Variants in DGCR8 observed in about 807,000 individuals in gnomAD.
DGCR8 encodes DGCR8 microprocessor complex subunit.
Under a neutral mutation model 78.5 loss-of-function variants are expected in DGCR8, and 14 were observed. That is an observed-to-expected ratio of 0.18 (90% CI 0.12 to 0.28). DGCR8 has a LOEUF of 0.28. DGCR8 is among the 10% of genes least tolerant of loss of function. The pLI, the probability that DGCR8 is intolerant of heterozygous loss-of-function variation, is 1.00. For synonymous variants in DGCR8, 399 were observed against 402.4 expected (o/e 0.99, Z 0.10); for missense variants, 702 against 1,022.5 (o/e 0.69, Z 4.28).
intron 5 of DGCR8, 100 bp from the exon 6 acceptor site, chr22:20,091,335 A>G: frequency 1.7e-6 from 2 of 1,161,836 alleles, no homozygotes; most frequent in Non-Finnish European, 2.5e-6. Flanking sequence ...GAAAGGAAAT[A>G]GTGTCATGTG....
chr22:20,082,524 C>T (rs1189343807), intron 1 of DGCR8, among the ~76,000 whole-genome samples: 1 of 152,034 alleles, frequency 6.6e-6, no homozygotes, highest in Admixed American at 6.6e-5. Flanking sequence ...CCCACCACCA[C>T]ACTCGGCTAA....
chr22:20,109,500 C>A (rs981670453), intron 13 of DGCR8, among the ~76,000 whole-genome samples: 41 of 152,200 alleles, frequency 2.7e-4, no homozygotes, highest in African/African-American at 9.9e-4. Flanking sequence ...TGTGGCAGTC[C>A]CCTGGCCTGG....
Position 20,085,664 on chromosome 22 carries a change from G to T in DGCR8, c.-277-23G>T. 3 of 1,283,366 alleles carry T rather than the reference G, an allele frequency of 2.3e-6. No homozygotes were observed. The highest frequency in any genetic ancestry group is 3.0e-5 in the South Asian group (1 of 33,078). 79.5% of individuals were successfully genotyped at this position (1,283,366 alleles called of 1,614,324 possible). On this transcript the variant is annotated intron_variant, in intron 1 of 13. Transcript: ENST00000351989. This position sits in a 1 kb window ranked among gnomAD's most constrained non-coding sequence, Gnocchi z 6.2. ...TGGAAGGTTTCTGTCATTTTGTGAC[G>T]ATATTTTTAAATTTCTTTGCAGGTA...
In DGCR8 at chr22:20,089,249, A is replaced by G. The variant is rs966050177; in HGVS notation, c.881-420A>G. Among the ~76,000 whole-genome samples, 6 of 152,260 alleles carry G rather than the reference A, an allele frequency of 3.9e-5. No individual in the cohort carries two copies. Among genetic ancestry groups the G allele is most frequent in the African/African-American group, 1.4e-4 (6 of 41,470 alleles). The stretch of plus-strand genomic sequence containing the variant: ...CTGAGAGTGCAGCTCAGTTACAATA[A>G]AGACTTGTCACCTGGTCACTGGGAG... On this transcript the variant is annotated intron_variant, in intron 3 of 13. Coordinates refer to ENST00000351989, the MANE Select transcript of DGCR8 (RefSeq NM_022720.7). The surrounding 1 kb of genome is among the most constrained non-coding windows in gnomAD (Gnocchi z 4.9).
intron 7 of DGCR8, 76 bp from the exon 8 acceptor site, chr22:20,092,733 T>A: frequency 7.7e-7 from 1 of 1,293,770 alleles, no homozygotes; most frequent in East Asian, 2.4e-5. Flanking sequence ...GCCTTGTCTG[T>A]CGGTGTGGGC....
intron 6 of DGCR8, 99 bp from the exon 7 acceptor site, chr22:20,091,770 C>A (rs1161813408): frequency 2.0e-6 from 3 of 1,487,532 alleles, no homozygotes; most frequent in East Asian, 2.3e-5. Context: ...CTGCCACATT[C>A]ACGGTCGTGA....
rs1373780754 is a variant in DGCR8 at position 20,085,052 on chromosome 22, C to T, written c.-277-635C>T. Reference sequence around the variant, plus strand: ...ATCCTGGCAGGTCCCTTCCCCACAGCCACCCACCCCTCTCCTCCATCGGGA... The same window carrying T: ...ATCCTGGCAGGTCCCTTCCCCACAGTCACCCACCCCTCTCCTCCATCGGGA... On this transcript the variant is annotated intron_variant, in intron 1 of 13. Transcript: ENST00000351989. This position sits in a 1 kb window ranked among gnomAD's most constrained non-coding sequence, Gnocchi z 6.2. The T allele has an allele frequency of 7.1e-6, 7 of 984,568 alleles. No homozygotes were observed. The highest frequency in any genetic ancestry group is 4.7e-5 in the South Asian group (1 of 21,270). 61.0% of individuals were successfully genotyped at this position (984,568 alleles called of 1,614,324 possible).
rs149913549 is a variant in DGCR8, at chr22:20,086,680, C to T, written c.717C>T (p.Tyr239=). 223 of 1,602,742 alleles carry T rather than the reference C, an allele frequency of 1.4e-4. 1 individual carries two copies. The highest frequency in any genetic ancestry group is 6.0e-4 in the Admixed American group (36 of 59,876). Residue 239 remains tyrosine, a synonymous_variant, in exon 2 of 14, where the codon TAC becomes TAT. Coordinates refer to ENST00000351989, the MANE Select transcript of DGCR8 (RefSeq NM_022720.7). This position sits in a 1 kb window ranked among gnomAD's most constrained non-coding sequence, Gnocchi z 6.4. ...RVDEEALNFP[Y]EDDFDNDVDA... ...ATGAAGAGGCCTTGAATTTCCCCTA[C>T]GAGGTATGTTGGCAGCCCCTCCTCT...
rs2049466174 is a variant in DGCR8, at chr22:20,085,164, C to G, written c.-277-523C>G. On this transcript the variant is annotated intron_variant, in intron 1 of 13. Transcript: ENST00000351989. This position sits in a 1 kb window ranked among gnomAD's most constrained non-coding sequence, Gnocchi z 6.2. ...GCTACCCTGTGGGCCCAGGAGAGCC[C>G]TGGGGTCCCTGGGTAGCAGAGCGCC... 1 of 464,870 alleles carries G rather than the reference C, an allele frequency of 2.2e-6. No homozygotes were observed. Among genetic ancestry groups the G allele is most frequent in the South Asian group, 9.1e-5 (1 of 11,016 alleles). The allele number at this position is 464,870 out of a possible 1,614,324, so 28.8% of individuals were successfully genotyped here.
At chr22:20,109,943 G>A in intron 13 of DGCR8, 82 bp from the exon 14 acceptor site, 1 of 1,363,704 alleles carries the variant, frequency 7.3e-7, no homozygotes, top group Non-Finnish European at 1.0e-6. Flanking sequence ...ATGATCTGCT[G>A]GGCTCTCCCT....
Position 20,087,182 on chromosome 22 carries a change from G to T in DGCR8, c.741G>T (p.Val247=). 1 of 1,612,578 alleles carries T rather than the reference G, an allele frequency of 6.2e-7. No homozygotes were observed. The highest frequency in any genetic ancestry group is 8.5e-7 in the Non-Finnish European group (1 of 1,178,918). ...TGCAGGATGACTTTGACAACGATGT[G>T]GATGCTCTGCTGGAAGAAGGCCTTT... is the stretch of plus-strand genomic sequence containing the variant. ...FPYEDDFDND[V]DALLEEGLCA... The change falls in exon 3 of 14, where the codon GTG becomes GTT. Residue 247 remains valine, a synonymous_variant. Transcript: ENST00000351989. This position sits in a 1 kb window ranked among gnomAD's most constrained non-coding sequence, Gnocchi z 4.1.
At position 20,111,319 on chromosome 22, in the gene DGCR8, C is replaced by T. The variant is rs981885314; in HGVS notation, c.*1211C>T. 4.0e-5 allele frequency: 16 copies of T among 397,938 alleles called. No individual in the cohort carries two copies. Among genetic ancestry groups the T allele is most frequent in the East Asian group, 7.1e-5 (2 of 28,062 alleles). 24.7% of individuals were successfully genotyped at this position (397,938 alleles called of 1,614,324 possible). A position where few individuals can be genotyped will look rare whatever the true frequency, so the allele number is the denominator to read the frequency against. On this transcript the variant is annotated 3_prime_UTR_variant, in exon 14 of 14. Coordinates refer to ENST00000351989, the MANE Select transcript of DGCR8 (RefSeq NM_022720.7). The stretch of plus-strand genomic sequence containing the variant: ...CTGAAGCAAGAGTCCAGCGTTCTGC[C>T]GTGTCTGTCCCCCACCATGCCCCCT...
At chr22:20,098,234 G>A (rs950595874) in intron 9 of DGCR8, among the ~76,000 whole-genome samples, 1 of 151,908 alleles carries the variant, frequency 6.6e-6, no homozygotes, top group East Asian at 1.9e-4. Flanking sequence ...CAAGCAATCT[G>A]CCCACCTCAG....
intron 9 of DGCR8, among the ~76,000 whole-genome samples, chr22:20,102,753 C>T (rs765842709): frequency 2.0e-5 from 3 of 152,140 alleles, no homozygotes; most frequent in Non-Finnish European, 4.4e-5. Context: ...CCTCCAACTT[C>T]GTTATTCTTT....
At chr22:20,106,329 C>T (rs1450812124) in intron 10 of DGCR8, 52 bp downstream of exon 10, 2 of 1,446,354 alleles carry the variant, frequency 1.4e-6, no homozygotes, top group African/African-American at 2.8e-5. Context: ...GAGCTCCTCT[C>T]TGGCGTCTCA....
In DGCR8 at chr22:20,082,377, A is replaced by G. The variant is rs189534417; in HGVS notation, c.-278+1994A>G. On this transcript the variant is annotated intron_variant, in intron 1 of 13. Transcript: ENST00000351989. Reference sequence around the variant, plus strand: ...GCCTGGCCACAGAGTGATTCTTTTTATTTTTTTGAGACAGAGTCTCGCTTT... The same window carrying G: ...GCCTGGCCACAGAGTGATTCTTTTTGTTTTTTTGAGACAGAGTCTCGCTTT... Among the ~76,000 whole-genome samples the G allele has an allele frequency of 2.8e-4, 41 of 146,708 alleles. 1 individual carries two copies. The East Asian group carries it at 8.2e-3, about 29-fold the overall frequency.
At position 20,080,246 on chromosome 22, in the gene DGCR8, C is replaced by T; in HGVS notation, c.-415C>T. 1 of 972,038 alleles carries T rather than the reference C, an allele frequency of 1.0e-6. No individual in the cohort carries two copies. The highest frequency in any genetic ancestry group is 1.2e-6 in the Non-Finnish European group (1 of 819,866). 60.2% of individuals were successfully genotyped at this position (972,038 alleles called of 1,614,324 possible). A position where few individuals can be genotyped will look rare whatever the true frequency, so the allele number is the denominator to read the frequency against. ...GCACGCCGCGAAGGCCCGCCCTCCG[C>T]TCGCCCGGCGCGGCAGGCGGGTGCC... On this transcript the variant is annotated 5_prime_UTR_variant, in exon 1 of 14. Transcript: ENST00000351989.
chr22:20,102,201 A>G (rs1190505892), intron 9 of DGCR8: 1 of 391,972 alleles, frequency 2.6e-6, no homozygotes, highest in East Asian at 1.6e-4. Flanking sequence ...GATGCAGAAC[A>G]TTTCTGTACA....
At chr22:20,105,225 G>A (rs748032221) in intron 9 of DGCR8, among the ~76,000 whole-genome samples, 3 of 152,228 alleles carry the variant, frequency 2.0e-5, no homozygotes, top group Non-Finnish European at 4.4e-5. Flanking sequence ...TATGAAAATC[G>A]GAGCAATGCT....
Sources: allele counts gnomAD v4.1 joint callset (sites outside exome capture counted in the v4.1 genomes callset), GRCh38; gene constraint gnomAD v4.1.1; non-coding constraint Gnocchi (gnomAD v3.1); transcripts MANE v1.5; gene names NCBI Gene and HGNC (gene_info 2026-07-23, HGNC 2026-07-21).